UBA6: variants seen among roughly 807,000 people sequenced by gnomAD.
UBA6 encodes the protein ubiquitin like modifier activating enzyme 6.
A neutral mutation model predicts 148.3 loss-of-function variants in UBA6; 87 were observed. The observed-to-expected ratio is 0.59, with a 90% CI of 0.49 to 0.70. The LOEUF (loss-of-function observed/expected upper bound fraction) is 0.70. Ranked by LOEUF, UBA6 falls within the 30% of genes least tolerant of loss-of-function variation. UBA6 has a pLI of 0.00. For missense variants in UBA6, 1,186 were observed against 1,241.2 expected, an observed-to-expected ratio of 0.96 and a Z score of 0.67; for synonymous variants, 376 against 401.0, an observed-to-expected ratio of 0.94 and a Z score of 0.75.
intron 7 of UBA6, among the ~76,000 whole-genome samples, chr4:67,670,924 G>A (rs1730133150): frequency 6.6e-6 from 1 of 152,064 alleles, no homozygotes; most frequent in Admixed American, 6.6e-5. Flanking sequence ...AGATAACTCT[G>A]GCTTAATAGT....
rs1196079684 is a variant in UBA6, at chr4:67,633,416, T to C, written c.2071A>G (p.Arg691Gly). 1.3e-5 allele frequency: 21 copies of C among 1,611,078 alleles called. No individual in the cohort carries two copies. The highest frequency in any genetic ancestry group is 1.8e-5 in the Non-Finnish European group (21 of 1,179,264). The part of the protein sequence containing the change: ...GCFQVIKLLS[R>G]RPRNWSQCVE... ...CACTGGGACCAATTTCTAGGTCTTC[T>C]GCTAAGTAACTTTATAACTTGAAAA... The change falls in exon 23 of 33, where the codon AGA becomes GGA. Residue 691 changes from arginine to glycine, a missense_variant. Arg to Gly is a moderately radical substitution (Grantham distance 125, BLOSUM62 -2). Coordinates refer to ENST00000322244, the MANE Select transcript of UBA6 (RefSeq NM_018227.6).
intron 11 of UBA6, chr4:67,663,542 TAAG>T (rs1347699728): frequency 8.6e-5 from 30 of 348,798 alleles, no homozygotes; most frequent in Non-Finnish European, 1.2e-4. Context: ...GCTTTTTTGG[TAAG>T]AAATATGTAT....
rs1728651255 is a variant in UBA6 at position 67,617,354 on chromosome 4, CTGTTT to C, written c.*1638_*1642del. On this transcript the variant is annotated 3_prime_UTR_variant, in exon 33 of 33. Coordinates refer to ENST00000322244, the MANE Select transcript of UBA6 (RefSeq NM_018227.6). ...CACAGAGCCTTGATATTCCTGGATT[CTGTTT>C]TAAGTAACCTTAGTTTTAAATATGA... 6.6e-6 allele frequency: 1 copy of C among 152,076 alleles called. No individual in the cohort carries two copies. Among genetic ancestry groups the C allele is most frequent in the Non-Finnish European group, 1.5e-5 (1 of 67,972 alleles). 9.4% of individuals were successfully genotyped at this position (152,076 alleles called of 1,614,324 possible). A position where few individuals can be genotyped will look rare whatever the true frequency, so the allele number is the denominator to read the frequency against.
intron 15 of UBA6, among the ~76,000 whole-genome samples, chr4:67,646,220 T>C (rs547262392): frequency 1.3e-3 from 193 of 152,266 alleles, no homozygotes; most frequent in African/African-American, 4.3e-3. Context: ...TAAATACAAA[T>C]GACTTAAGTG....
chr4:67,654,599 C>G (rs1470848204), intron 13 of UBA6, among the ~76,000 whole-genome samples: 1 of 152,058 alleles, frequency 6.6e-6, no homozygotes, highest in Non-Finnish European at 1.5e-5. Context: ...ATGGAAAAGA[C>G]CATTGATGCT....
At chr4:67,668,695 T>C (rs1462644737) in intron 8 of UBA6, 21 bp from the exon 9 acceptor site, 3 of 1,595,272 alleles carry the variant, frequency 1.9e-6, no homozygotes. Flanking sequence ...GAGTAATCTA[T>C]TAAAAAAGAA....
intron 7 of UBA6, among the ~76,000 whole-genome samples, chr4:67,670,961 T>G (rs1017878): frequency 0.22 from 34,142 of 152,040 alleles, 4,007 homozygotes; most frequent in Middle Eastern, 0.3. Context: ...ACTTGTTATT[T>G]TAGGAAAGAG....
chr4:67,670,628 T>C (rs538440480), intron 7 of UBA6, 36 bp from the exon 8 acceptor site: 11 of 1,542,102 alleles, frequency 7.1e-6, no homozygotes, highest in East Asian at 4.5e-5. Flanking sequence ...ATCTTATTTA[T>C]ATAAAGAAAA....
chr4:67,637,123 C>G (rs1249327335), intron 19 of UBA6, among the ~76,000 whole-genome samples: 1 of 151,972 alleles, frequency 6.6e-6, no homozygotes, highest in Non-Finnish European at 1.5e-5. Flanking sequence ...CAGCAGCCAC[C>G]CCGTCTGGGA....
At chr4:67,695,016 C>T (rs563591592) in intron 2 of UBA6, among the ~76,000 whole-genome samples, 41 of 152,260 alleles carry the variant, frequency 2.7e-4, no homozygotes, top group African/African-American at 6.3e-4. Flanking sequence ...AGCCTACTTA[C>T]GTAGCATTGT....
chr4:67,675,063 T>C (rs1241717680), intron 6 of UBA6, among the ~76,000 whole-genome samples: 4 of 152,210 alleles, frequency 2.6e-5, no homozygotes, highest in Non-Finnish European at 5.9e-5. Flanking sequence ...AGAGACGGGG[T>C]TTCGCCATGC....
At chr4:67,621,565 G>C (rs1267572263) in intron 32 of UBA6, among the ~76,000 whole-genome samples, 4 of 152,204 alleles carry the variant, frequency 2.6e-5, no homozygotes, top group Non-Finnish European at 5.9e-5. Context: ...CACTTTGGGA[G>C]GCTGAGGCGG....
At position 67,673,620 on chromosome 4, in the gene UBA6, T is replaced by C. The variant is rs150661002; in HGVS notation, c.546+77A>G. 3 of 878,972 alleles carry C rather than the reference T, an allele frequency of 3.4e-6. No homozygotes were observed. The East Asian group carries it at 7.6e-5, about 22-fold the overall frequency. 54.4% of individuals were successfully genotyped at this position (878,972 alleles called of 1,614,324 possible). ...TGTAAAAAGTTTCTTATATAACCCA[T>C]CAATGAGTTAAAAATTCTACTAGTG... On this transcript the variant is annotated intron_variant, in intron 7 of 32. Coordinates refer to ENST00000322244, the MANE Select transcript of UBA6 (RefSeq NM_018227.6).
chr4:67,682,909 A>C (rs975767774), intron 2 of UBA6, among the ~76,000 whole-genome samples: 1 of 152,206 alleles, frequency 6.6e-6, no homozygotes, highest in South Asian at 2.1e-4. Context: ...CCCTTGGGTT[A>C]TAAGTATTTA....
chr4:67,642,140 G>T (rs951513514), intron 17 of UBA6, among the ~76,000 whole-genome samples: 2 of 151,866 alleles, frequency 1.3e-5, no homozygotes, highest in Non-Finnish European at 2.9e-5. Flanking sequence ...CTGATATTAA[G>T]GCTTTTTCTT....
In UBA6 at chr4:67,635,513, C is replaced by T; in HGVS notation, c.1782G>A (p.Met594Ile). ...NLRPLLDSGT[M>I]GTKGHTEVIV... is the part of the protein sequence containing the mutation. ...TAACTTCAGTGTGTCCCTTAGTGCC[C>T]ATTGTTCCAGAATCTAAAAGAGGCC... The change falls in exon 20 of 33, where the codon ATG becomes ATA. Residue 594 changes from methionine to isoleucine, a missense_variant. Met to Ile is a conservative substitution (Grantham distance 10). Coordinates refer to ENST00000322244, the MANE Select transcript of UBA6 (RefSeq NM_018227.6). 6.2e-7 allele frequency: 1 copy of T among 1,613,064 alleles called. No homozygotes were observed. The highest frequency in any genetic ancestry group is 8.5e-7 in the Non-Finnish European group (1 of 1,179,266).
chr4:67,624,058 T>C, intron 30 of UBA6, 68 bp downstream of exon 30: 2 of 1,346,978 alleles, frequency 1.5e-6, no homozygotes, highest in Non-Finnish European at 2.0e-6. Flanking sequence ...CTAGTATTTT[T>C]CCCTTTTAAA....
In UBA6 at chr4:67,616,206, T is replaced by C. The variant is rs1029411985; in HGVS notation, c.*2791A>G. The C allele has an allele frequency of 2.5e-6, 1 of 396,512 alleles. No homozygotes were observed. Among genetic ancestry groups the C allele is most frequent in the Non-Finnish European group, 4.4e-6 (1 of 224,736 alleles). 24.6% of individuals were successfully genotyped at this position (396,512 alleles called of 1,614,324 possible). On this transcript the variant is annotated 3_prime_UTR_variant, in exon 33 of 33. Transcript: ENST00000322244. ...CATTCAGATTATATGTTTTTGAATC[T>C]ATGAAAAGTAAAATCGCTAAATCCA...
chr4:67,658,632 CA>C (rs1470197679), intron 13 of UBA6, among the ~76,000 whole-genome samples: 1 of 152,040 alleles, frequency 6.6e-6, no homozygotes, highest in Non-Finnish European at 1.5e-5. Context: ...GACAAACCCC[CA>C]TGATGCAAAT....
Sources: gnomAD v4.1 joint callset for allele counts (sites outside exome capture counted in the v4.1 genomes callset) on GRCh38, gnomAD v4.1.1 for gene constraint, MANE v1.5 for transcripts, NCBI Gene and HGNC (gene_info 2026-07-23, HGNC 2026-07-21) for gene names.